Variants in TSPAN16 observed in about 807,000 individuals in gnomAD.
TSPAN16 encodes the protein tetraspanin-16.
Under a neutral mutation model 25.2 loss-of-function variants are expected in TSPAN16, and 23 were observed. The ratio of observed to expected loss-of-function variants is 0.91; its 90% CI spans 0.66 to 1.29. The LOEUF is 1.29. Ranked by LOEUF, TSPAN16 falls within the 50% of genes most tolerant of loss-of-function variation. The pLI is 0.00. For synonymous variants in TSPAN16, 123 were observed against 124.4 expected (o/e 0.99, Z 0.08); for missense variants, 272 against 299.9 (o/e 0.91, Z 0.69).
chr19:11,316,806 C>A (rs553620994), downstream of TSPAN16, among the ~76,000 whole-genome samples: 25 of 139,742 alleles, frequency 1.8e-4, no homozygotes, highest in African/African-American at 7.3e-4. Flanking sequence ...CAAGACCCCC[C>A]CCGCCTTTTT....
At position 11,301,263 on chromosome 19, in the gene TSPAN16, C is replaced by T. The variant is rs551136851; in HGVS notation, c.405C>T (p.Asn135=). The change falls in exon 4 of 7, where the codon AAC becomes AAT. Residue 135 remains asparagine, a synonymous_variant. Transcript: ENST00000590327. The part of the protein sequence containing the change: ...VTLRKNYRGY[N]EPDDYSTQWN... ...TGAGGAAGAATTACAGAGGTTACAA[C>T]GAGCCAGACGACTATTCTACACAGT... 9.3e-6 allele frequency: 15 copies of T among 1,613,610 alleles called. No homozygotes were observed. Among genetic ancestry groups the T allele is most frequent in the Middle Eastern group, 1.6e-4 (1 of 6,062 alleles).
At position 11,315,911 on chromosome 19, in the gene TSPAN16, C is replaced by T. The variant is rs1599348961; in HGVS notation, c.*73C>T. The T allele has an allele frequency of 8.9e-6, 11 of 1,231,388 alleles. No individual in the cohort carries two copies. In the East Asian group the frequency reaches 3.5e-4, roughly 39 times the overall value. The allele number at this position is 1,231,388 out of a possible 1,614,324, so 76.3% of individuals were successfully genotyped here. On this transcript the variant is annotated 3_prime_UTR_variant, in exon 7 of 7. Transcript: ENST00000590327. ...GAGATTCAGTCTCAGTTTTATTTCT[C>T]TGTGGCACTCACTGCTTCTGGAGGG... is the stretch of plus-strand genomic sequence containing the variant.
chr19:11,318,656 CT>C (rs74180018), downstream of TSPAN16, among the ~76,000 whole-genome samples: 4 of 149,094 alleles, frequency 2.7e-5, no homozygotes, highest in Admixed American at 2.7e-4. Flanking sequence ...TTTTCTTTTT[CT>C]TTTTTTTTTG....
At chr19:11,302,470 G>A (rs1208801343) in intron 4 of TSPAN16, among the ~76,000 whole-genome samples, 5 of 145,590 alleles carry the variant, frequency 3.4e-5, no homozygotes, top group South Asian at 2.2e-4. Context: ...CAGAGGCTGC[G>A]GTGAGCCAGG....
At chr19:11,318,223 C>T (rs148735778), downstream of TSPAN16, among the ~76,000 whole-genome samples, 347 of 152,174 alleles carry the variant, frequency 2.3e-3, 6 homozygotes, top group Middle Eastern at 0.031. Flanking sequence ...GATGGGGTTT[C>T]ACCGTGTTAG....
At chr19:11,312,459 C>A (rs2080703622) in intron 6 of TSPAN16, 2 of 357,878 alleles carry the variant, frequency 5.6e-6, no homozygotes, top group South Asian at 6.7e-5. Flanking sequence ...AAATTTGATT[C>A]TTTGAAAAGA....
chr19:11,326,919 CT>C, exon 7 of TSPAN16: 1 of 528,324 alleles, frequency 1.9e-6, no homozygotes, highest in Non-Finnish European at 3.4e-6. Flanking sequence ...TTCCTGCATC[CT>C]TTTAAGGTTC....
At chr19:11,322,919 G>C (rs1599353564) in intron 6 of TSPAN16, 4 of 152,066 alleles carry the variant, frequency 2.6e-5, no homozygotes, top group African/African-American at 9.7e-5. Flanking sequence ...AACAAAACCA[G>C]CCTGGCCAAC....
At chr19:11,314,017 TCAA>T (rs772844931) in intron 6 of TSPAN16, among the ~76,000 whole-genome samples, 2 of 152,168 alleles carry the variant, frequency 1.3e-5, no homozygotes, top group East Asian at 1.9e-4. Flanking sequence ...AAAATATTAT[TCAA>T]CAACAAAAAC....
At chr19:11,302,618 T>C (rs927703156) in intron 4 of TSPAN16, among the ~76,000 whole-genome samples, 5 of 144,760 alleles carry the variant, frequency 3.5e-5, no homozygotes, top group Admixed American at 2.1e-4. Flanking sequence ...TACATATGTA[T>C]ATAAATATAT....
chr19:11,318,872 C>T (rs976294248), downstream of TSPAN16, among the ~76,000 whole-genome samples: 6 of 152,016 alleles, frequency 3.9e-5, no homozygotes, highest in Admixed American at 3.9e-4. Flanking sequence ...GTCTGGAACT[C>T]CTGACCTCAA....
At chr19:11,299,885 G>A (rs1462261169) in intron 3 of TSPAN16, among the ~76,000 whole-genome samples, 1 of 151,810 alleles carries the variant, frequency 6.6e-6, no homozygotes, top group Non-Finnish European at 1.5e-5. Context: ...GCTGAGGCAG[G>A]AGAATCACTT....
intron 6 of TSPAN16, among the ~76,000 whole-genome samples, chr19:11,314,153 A>C (rs1172284128): frequency 6.6e-6 from 1 of 152,200 alleles, no homozygotes; most frequent in Non-Finnish European, 1.5e-5. Flanking sequence ...CCATAGAAAT[A>C]AAAGGTAGTT....
At chr19:11,298,732 C>G (rs929988763) in intron 2 of TSPAN16, 140 bp from the exon 3 acceptor site, 1 of 774,792 alleles carries the variant, frequency 1.3e-6, no homozygotes, top group Non-Finnish European at 2.2e-6. Flanking sequence ...TGCTCCCGGT[C>G]GAATTGTTTT....
chr19:11,310,269 T>A (rs1278128529), intron 5 of TSPAN16, among the ~76,000 whole-genome samples: 1 of 152,078 alleles, frequency 6.6e-6, no homozygotes, highest in Admixed American at 6.6e-5. Context: ...CTCACGCCTG[T>A]AGTCCCAGCA....
At chr19:11,320,690 AAAG>A (rs1182063647), downstream of TSPAN16, among the ~76,000 whole-genome samples, 3 of 151,902 alleles carry the variant, frequency 2.0e-5, no homozygotes, top group Non-Finnish European at 2.9e-5. Context: ...AAAAAAAAGA[AAAG>A]AAAAGAAAAA....
Position 11,296,294 on chromosome 19 carries a change from C to T in TSPAN16, c.-4C>T. 1 of 1,614,016 alleles carries T rather than the reference C, an allele frequency of 6.2e-7. No homozygotes were observed. The highest frequency in any genetic ancestry group is 8.5e-7 in the Non-Finnish European group (1 of 1,179,942). Reference sequence around the variant, plus strand: ...AATGTTCAGGGTGCCCCAGTCTGTTCAGCATGGCTGAAATCCACACTCCGT... The same window carrying T: ...AATGTTCAGGGTGCCCCAGTCTGTTTAGCATGGCTGAAATCCACACTCCGT... On this transcript the variant is annotated 5_prime_UTR_variant, in exon 1 of 7. An upstream open reading frame in the 5' UTR gains an earlier in-frame stop. Coordinates refer to ENST00000590327, the MANE Select transcript of TSPAN16 (RefSeq NM_001282509.2).
downstream of TSPAN16, among the ~76,000 whole-genome samples, chr19:11,317,181 T>TA (rs1341226398): frequency 5.3e-5 from 8 of 152,190 alleles, no homozygotes; most frequent in African/African-American, 1.9e-4. Flanking sequence ...TTCTTCCCTT[T>TA]ATATTTCAGT....
intron 6 of TSPAN16, among the ~76,000 whole-genome samples, chr19:11,312,528 CAGG>C (rs970104146): frequency 2.6e-5 from 4 of 151,946 alleles, no homozygotes; most frequent in Non-Finnish European, 5.9e-5. Context: ...GAGGCTGAGG[CAGG>C]AGGACTGCTT....
Sources: gnomAD v4.1 joint callset for allele counts (sites outside exome capture counted in the v4.1 genomes callset) on GRCh38, gnomAD v4.1.1 for gene constraint, MANE v1.5 for transcripts, NCBI Gene and HGNC (gene_info 2026-07-23, HGNC 2026-07-21) for gene names.